The following SLC24A3 variants were observed in gnomAD, a reference collection of about 807,000 sequenced individuals.
SLC24A3 encodes the protein solute carrier family 24 member 3, also known as sodium/potassium/calcium exchanger 3.
A neutral mutation model predicts 75.8 loss-of-function variants in SLC24A3; 28 were observed. The observed-to-expected ratio is 0.37, with a 90% confidence interval of 0.27 to 0.51. The LOEUF (loss-of-function observed/expected upper bound fraction) is 0.51. SLC24A3 is among the 20% of genes least tolerant of loss of function. The probability of loss-of-function intolerance (pLI) is 0.94; values close to 1 mark genes in which losing one functional copy is unlikely to be tolerated. For synonymous variants in SLC24A3, 372 were observed against 334.1 expected (o/e 1.11, Z -1.24); for missense variants, 663 against 847.8 (o/e 0.78, Z 2.71).
At chr20:19,229,917 T>A (rs1486952590) in intron 1 of SLC24A3, among the ~76,000 whole-genome samples, 1 of 152,236 alleles carries the variant, frequency 6.6e-6, no homozygotes, top group Non-Finnish European at 1.5e-5. Context: ...AACCATTTTA[T>A]GTCTTGTCAT....
chr20:19,316,031 T>C (rs1984577252), intron 2 of SLC24A3, among the ~76,000 whole-genome samples: 2 of 152,310 alleles, frequency 1.3e-5, no homozygotes, highest in Non-Finnish European at 2.9e-5. Context: ...TACAATGTAC[T>C]GCAGAATGCA....
At chr20:19,663,582 G>A (rs1280507854) in intron 7 of SLC24A3, among the ~76,000 whole-genome samples, 1 of 150,116 alleles carries the variant, frequency 6.7e-6, no homozygotes. Flanking sequence ...TTATTTGCAT[G>A]TTTCCGGATC....
intron 3 of SLC24A3, among the ~76,000 whole-genome samples, chr20:19,534,440 T>G (rs6075528): frequency 0.15 from 22,297 of 152,246 alleles, 1,789 homozygotes; most frequent in Middle Eastern, 0.2. Flanking sequence ...TGACGGAGTC[T>G]CGCTCTGTCA....
intron 2 of SLC24A3, among the ~76,000 whole-genome samples, chr20:19,373,623 G>T (rs1467285981): frequency 6.6e-6 from 1 of 152,136 alleles, no homozygotes; most frequent in African/African-American, 2.4e-5. Flanking sequence ...TTCTGACTTA[G>T]ATTTTGCACA....
At chr20:19,614,474 G>T (rs957856799) in intron 6 of SLC24A3, among the ~76,000 whole-genome samples, 1 of 152,226 alleles carries the variant, frequency 6.6e-6, no homozygotes, top group African/African-American at 2.4e-5. Context: ...AGTGCCACAG[G>T]CCCATTGATT....
At chr20:19,257,120 T>G (rs141688297) in intron 1 of SLC24A3, among the ~76,000 whole-genome samples, 4 of 152,270 alleles carry the variant, frequency 2.6e-5, no homozygotes, top group South Asian at 2.1e-4. Context: ...TTGAAAAAAG[T>G]TCATTTGGGT....
Position 19,654,101 on chromosome 20 carries a change from A to G in SLC24A3, c.652A>G (p.Ile218Val), listed in dbSNP as rs760077393. The stretch of plus-strand genomic sequence containing the variant: ...CTCCTGGTGCCTGCTGAGGGATTCT[A>G]TTTACTACACGCTGTCTGTGATCGC... ...LSSWCLLRDS[I>V]YYTLSVIALI... is the part of the protein sequence containing the mutation. The change falls in exon 7 of 17, where the codon ATT becomes GTT. Residue 218 changes from isoleucine to valine, a missense_variant. Physicochemically the swap from Ile to Val is conservative, Grantham distance 29. Around this residue, in one of 2 missense-constraint regions of SLC24A3, gnomAD observed 510 missense variants for 703.6 expected, o/e 0.72. Transcript: ENST00000328041. 2 of 1,613,620 alleles carry G rather than the reference A, an allele frequency of 1.2e-6. No homozygotes were observed. Among genetic ancestry groups the G allele is most frequent in the Admixed American group, 1.7e-5 (1 of 60,004 alleles).
At chr20:19,491,009 G>A (rs1463338112) in intron 2 of SLC24A3, among the ~76,000 whole-genome samples, 2 of 152,222 alleles carry the variant, frequency 1.3e-5, no homozygotes, top group South Asian at 2.1e-4. Context: ...TTTAAAATAC[G>A]GAACATTCAC....
intron 2 of SLC24A3, among the ~76,000 whole-genome samples, chr20:19,349,697 G>GAT (rs1985522707): frequency 6.6e-6 from 1 of 152,182 alleles, no homozygotes; most frequent in Non-Finnish European, 1.5e-5. Context: ...TAACTGGCTT[G>GAT]ATAAATTACT....
At chr20:19,478,457 T>C (rs1987998423) in intron 2 of SLC24A3, among the ~76,000 whole-genome samples, 1 of 152,212 alleles carries the variant, frequency 6.6e-6, no homozygotes, top group African/African-American at 2.4e-5. Context: ...TCCTCTTCTT[T>C]TGAGGGGAGC....
At chr20:19,582,481 T>C (rs537508417) in intron 4 of SLC24A3, among the ~76,000 whole-genome samples, 1 of 151,880 alleles carries the variant, frequency 6.6e-6, no homozygotes, top group Admixed American at 6.6e-5. Context: ...AGCAGAAAAA[T>C]GTGGGGTTCA....
chr20:19,457,588 G>GT (rs1355522972), intron 2 of SLC24A3, among the ~76,000 whole-genome samples: 1 of 152,194 alleles, frequency 6.6e-6, no homozygotes, highest in African/African-American at 2.4e-5. Context: ...TTGAGAAGTG[G>GT]TACAGTAGTG....
At chr20:19,299,292 G>T (rs1321299719) in intron 2 of SLC24A3, among the ~76,000 whole-genome samples, 1 of 151,880 alleles carries the variant, frequency 6.6e-6, no homozygotes, top group Non-Finnish European at 1.5e-5. Flanking sequence ...ACATGTGTTT[G>T]TACAAGTGCT....
chr20:19,503,850 A>G (rs1988423469), intron 2 of SLC24A3, among the ~76,000 whole-genome samples: 4 of 152,234 alleles, frequency 2.6e-5, no homozygotes, highest in African/African-American at 9.6e-5. Context: ...CTTCAAGCAG[A>G]TGGATTAGTA....
At chr20:19,233,235 A>G (rs183596409) in intron 1 of SLC24A3, among the ~76,000 whole-genome samples, 1 of 152,370 alleles carries the variant, frequency 6.6e-6, no homozygotes, top group Non-Finnish European at 1.5e-5. Flanking sequence ...TGGTTGTACA[A>G]GCCAGCAGCG....
At chr20:19,272,898 C>G (rs551251925) in intron 1 of SLC24A3, among the ~76,000 whole-genome samples, 5 of 152,070 alleles carry the variant, frequency 3.3e-5, no homozygotes, top group Admixed American at 2.0e-4. Flanking sequence ...GGGTCAGGGA[C>G]GGGTGATGGA....
At chr20:19,377,967 G>A (rs1481006583) in intron 2 of SLC24A3, among the ~76,000 whole-genome samples, 1 of 152,202 alleles carries the variant, frequency 6.6e-6, no homozygotes, top group Non-Finnish European at 1.5e-5. Flanking sequence ...CTGCTTTCAT[G>A]CCACAGTGAC....
At chr20:19,355,837 A>G (rs931139970) in intron 2 of SLC24A3, among the ~76,000 whole-genome samples, 1 of 152,202 alleles carries the variant, frequency 6.6e-6, no homozygotes, top group African/African-American at 2.4e-5. Context: ...TGGGCTGTAA[A>G]ATACCTGACT....
At chr20:19,542,763 C>T (rs1224400814) in intron 3 of SLC24A3, among the ~76,000 whole-genome samples, 1 of 152,156 alleles carries the variant, frequency 6.6e-6, no homozygotes, top group African/African-American at 2.4e-5. Flanking sequence ...CGGAGAGCCC[C>T]TCTGAGATCA....
Sources: gnomAD v4.1 joint callset for allele counts (sites outside exome capture counted in the v4.1 genomes callset) on GRCh38, gnomAD v4.1.1 for gene constraint, gnomAD v4.1.1 regional missense constraint, MANE v1.5 for transcripts, NCBI Gene and HGNC (gene_info 2026-07-23, HGNC 2026-07-21) for gene names.